Variants in BNC2 observed in about 807,000 individuals in gnomAD.
BNC2 encodes the protein zinc finger protein basonuclin-2.
In BNC2, 20 loss-of-function variants were observed where a neutral mutation model predicts 76.3. That is an observed-to-expected ratio of 0.26 (90% CI 0.18 to 0.38). The LOEUF (loss-of-function observed/expected upper bound fraction) is 0.38. Ranked by LOEUF, BNC2 falls within the 10% of genes least tolerant of loss-of-function variation. The probability of loss-of-function intolerance (pLI) is 1.00; values close to 1 mark genes in which losing one functional copy is unlikely to be tolerated. For missense variants in BNC2, 1,382 were observed against 1,399.8 expected (o/e 0.99, Z 0.20); for synonymous variants, 582 against 514.8 (o/e 1.13, Z -1.77).
chr9:16,783,728 T>C (rs1826210647), intron 1 of BNC2, among the ~76,000 whole-genome samples: 1 of 151,668 alleles, frequency 6.6e-6, no homozygotes, highest in Non-Finnish European at 1.5e-5. Context: ...TAAACCACTA[T>C]TATATTCACC....
At chr9:16,491,937 T>C (rs1478705475) in intron 5 of BNC2, among the ~76,000 whole-genome samples, 1 of 152,240 alleles carries the variant, frequency 6.6e-6, no homozygotes, top group Non-Finnish European at 1.5e-5. Flanking sequence ...TATGCTCACA[T>C]ACTTCCGCTT....
intron 5 of BNC2, among the ~76,000 whole-genome samples, chr9:16,441,019 T>G: frequency 6.6e-6 from 1 of 152,166 alleles, no homozygotes; most frequent in East Asian, 1.9e-4. Context: ...GTGCCATAGG[T>G]GTCCTTTCCA....
intron 1 of BNC2, among the ~76,000 whole-genome samples, chr9:16,799,311 T>TTTTA (rs954635101): frequency 2.0e-5 from 3 of 152,032 alleles, no homozygotes; most frequent in African/African-American, 7.2e-5. Context: ...TTACTTTCTA[T>TTTTA]TTTATTTATT....
intron 4 of BNC2, among the ~76,000 whole-genome samples, chr9:16,581,878 G>C (rs1400782884): frequency 6.6e-6 from 1 of 152,080 alleles, no homozygotes; most frequent in Non-Finnish European, 1.5e-5. Flanking sequence ...GTGGCTGCAT[G>C]GTGGAAACAT....
In BNC2 at chr9:16,607,437, C is replaced by T. The variant is rs140836418; in HGVS notation, c.331-24352G>A. ...GTAAACTTGGCTGTAACAATTCAAA[C>T]TCAGTGGTCCTTTAGGCAGGTGGTT... On this transcript the variant is annotated intron_variant, in intron 3 of 6. Coordinates refer to ENST00000380672, the MANE Select transcript of BNC2 (RefSeq NM_017637.6). Among the ~76,000 whole-genome samples, 1,996 of 152,192 alleles carry T rather than the reference C, an allele frequency of 0.013. 67 individuals carry two copies. In the South Asian group the frequency reaches 0.13, roughly 10 times the overall value.
intron 1 of BNC2, among the ~76,000 whole-genome samples, chr9:16,853,829 C>T (rs962494322): frequency 6.6e-6 from 1 of 152,166 alleles, no homozygotes; most frequent in Non-Finnish European, 1.5e-5. Context: ...GACTGAGCCA[C>T]TGCACTCTAG....
intron 3 of BNC2, among the ~76,000 whole-genome samples, chr9:16,614,518 C>T (rs138975862): frequency 4.7e-4 from 70 of 150,414 alleles, no homozygotes; most frequent in African/African-American, 1.5e-3. Flanking sequence ...CCTTCACTAT[C>T]ATGGTAAAAT....
At chr9:16,588,674 T>C (rs534257738) in intron 3 of BNC2, among the ~76,000 whole-genome samples, 1 of 152,368 alleles carries the variant, frequency 6.6e-6, no homozygotes, top group East Asian at 1.9e-4. Context: ...AACACTTTTA[T>C]ATCTGAATAT....
intron 5 of BNC2, among the ~76,000 whole-genome samples, chr9:16,521,268 C>G (rs1051460948): frequency 7.9e-5 from 12 of 152,212 alleles, no homozygotes; most frequent in African/African-American, 2.9e-4. Context: ...AGTGGAAGCT[C>G]TATCTCCCTC....
intron 3 of BNC2, among the ~76,000 whole-genome samples, chr9:16,715,647 T>C (rs1823977817): frequency 6.6e-6 from 1 of 152,194 alleles, no homozygotes; most frequent in South Asian, 2.1e-4. Context: ...GCAGTGGATC[T>C]GGCAAACTGG....
intron 6 of BNC2, chr9:16,434,807 G>C (rs897502251): frequency 6.6e-6 from 3 of 455,950 alleles, no homozygotes; most frequent in Non-Finnish European, 1.3e-5. Flanking sequence ...GATCCTCAAA[G>C]TATATGCATG....
intron 5 of BNC2, among the ~76,000 whole-genome samples, chr9:16,529,778 A>T (rs1047793612): frequency 6.6e-6 from 1 of 152,216 alleles, no homozygotes; most frequent in African/African-American, 2.4e-5. Context: ...TGAATACCTG[A>T]CAACTGTTCC....
chr9:16,499,489 C>A (rs573481258), intron 5 of BNC2, among the ~76,000 whole-genome samples: 2 of 151,610 alleles, frequency 1.3e-5, no homozygotes, highest in East Asian at 1.9e-4. Context: ...TCCATTTGCA[C>A]TGCCATCAAA....
chr9:16,817,241 G>C (rs1205417939), intron 1 of BNC2, among the ~76,000 whole-genome samples: 2 of 150,848 alleles, frequency 1.3e-5, no homozygotes, highest in Non-Finnish European at 3.0e-5. Context: ...AGGAATAAGA[G>C]GATCTAGAAA....
rs1442006225 is a variant in BNC2, at chr9:16,417,613, TAGAC to T, written c.*1372_*1375del. On this transcript the variant is annotated 3_prime_UTR_variant, in exon 7 of 7. Transcript: ENST00000380672. ...TACGACTGCAGAATTTGCAACAAAT[TAGAC>T]AGCCATACAACAGACCGACCCAGTT... 1 of 152,458 alleles carries T rather than the reference TAGAC, an allele frequency of 6.6e-6. No homozygotes were observed. Among genetic ancestry groups the T allele is most frequent in the Non-Finnish European group, 1.5e-5 (1 of 68,038 alleles). The allele number at this position is 152,458 out of a possible 1,614,324, so 9.4% of individuals were successfully genotyped here. A position where few individuals can be genotyped will look rare whatever the true frequency, so the allele number is the denominator to read the frequency against.
Position 16,793,868 on chromosome 9 carries a change from GTTTTTTT to G in BNC2, c.4-55390_4-55384del, listed in dbSNP as rs1188831320. ...TGTTTTTTGTGGTTTTTGTTTTTTT[GTTTTTTT>G]TTTTTTTTAGTAGAGACGGAGTTTC... On this transcript the variant is annotated intron_variant, in intron 1 of 6. Coordinates refer to ENST00000380672, the MANE Select transcript of BNC2 (RefSeq NM_017637.6). Among the ~76,000 whole-genome samples, 82 of 115,916 alleles carry G rather than the reference GTTTTTTT, an allele frequency of 7.1e-4. 2 individuals carry two copies. Among genetic ancestry groups the G allele is most frequent in the African/African-American group, 2.6e-3 (73 of 27,902 alleles). 76.0% of individuals were successfully genotyped at this position (115,916 alleles called of 152,430 possible).
At chr9:16,813,521 T>C (rs923049153) in intron 1 of BNC2, among the ~76,000 whole-genome samples, 1 of 151,956 alleles carries the variant, frequency 6.6e-6, no homozygotes, top group Non-Finnish European at 1.5e-5. Flanking sequence ...CACCTCAGCC[T>C]CCCAAAGTGC....
rs549855648 is a variant in BNC2 at position 16,515,734 on chromosome 9, T to A, written c.669+36796A>T. Among the ~76,000 whole-genome samples the A allele has an allele frequency of 1.5e-4, 22 of 146,072 alleles. No homozygotes were observed. The South Asian group carries it at 1.8e-3, about 12-fold the overall frequency. On this transcript the variant is annotated intron_variant, in intron 5 of 6. Transcript: ENST00000380672. ...TACAATTTGAAAAAAAAAAAAAATT[T>A]AAAAAAAACCTCTGAAAAAAAAAAT...
intron 5 of BNC2, among the ~76,000 whole-genome samples, chr9:16,479,722 C>T (rs1822006722): frequency 6.6e-6 from 1 of 152,118 alleles, no homozygotes; most frequent in South Asian, 2.1e-4. Flanking sequence ...ATAAACATTT[C>T]AAGTGCTTAA....
Sources: gnomAD v4.1 joint callset for allele counts (sites outside exome capture counted in the v4.1 genomes callset) on GRCh38, gnomAD v4.1.1 for gene constraint, MANE v1.5 for transcripts, NCBI Gene and HGNC (gene_info 2026-07-23, HGNC 2026-07-21) for gene names.